The following MAGOH variants were observed in gnomAD, a reference collection of about 807,000 sequenced individuals.
MAGOH encodes mago homolog, exon junction complex subunit, also known as protein mago nashi homolog.
Under a neutral mutation model 20.9 loss-of-function variants are expected in MAGOH, and 3 were observed. The observed-to-expected ratio is 0.14, with a 90% CI of 0.07 to 0.37. MAGOH has a LOEUF of 0.37. Among genes scored for constraint, MAGOH ranks in the 10% least tolerant of loss-of-function variants. The pLI is 1.00. For missense variants in MAGOH, 66 were observed against 178.1 expected (o/e 0.37, Z 3.58); for synonymous variants, 51 against 61.0 (o/e 0.84, Z 0.76).
intron 3 of MAGOH, among the ~76,000 whole-genome samples, chr1:53,232,663 G>C (rs1399572036): frequency 6.6e-6 from 1 of 152,178 alleles, no homozygotes; most frequent in Non-Finnish European, 1.5e-5. Context: ...GTATGTCTGA[G>C]GAACAGAAAT....
At chr1:53,233,418 C>A in intron 3 of MAGOH, 124 bp downstream of exon 3, 1 of 636,534 alleles carries the variant, frequency 1.6e-6, no homozygotes, top group South Asian at 2.1e-5. Flanking sequence ...CTTTGTATCT[C>A]CACAATGCTT....
chr1:53,229,383 G>A (rs571232182), intron 3 of MAGOH, among the ~76,000 whole-genome samples: 2 of 152,088 alleles, frequency 1.3e-5, no homozygotes, highest in Admixed American at 6.5e-5. Context: ...TGTATTTTTA[G>A]TAGAGACGGG....
At chr1:53,231,694 T>C (rs930874257) in intron 3 of MAGOH, among the ~76,000 whole-genome samples, 1 of 152,210 alleles carries the variant, frequency 6.6e-6, no homozygotes, top group African/African-American at 2.4e-5. Context: ...GGCAATATCA[T>C]ACTACAAATG....
chr1:53,229,197 G>GTT (rs779983646), intron 3 of MAGOH, among the ~76,000 whole-genome samples: 17 of 141,400 alleles, frequency 1.2e-4, no homozygotes, highest in South Asian at 2.3e-4. Context: ...ATCTATGTAG[G>GTT]TTTTTTTTTT....
In MAGOH at chr1:53,227,208, G is replaced by A. The variant is rs1645564815; in HGVS notation, c.342-64C>T. ...TTGACCCATCAAGTGTCCCTAAAAAGGAAAAGACTATATATTAAAACGGTA... is the reference window on the plus strand; with the variant it reads ...TTGACCCATCAAGTGTCCCTAAAAAAGAAAAGACTATATATTAAAACGGTA... On this transcript the variant is annotated intron_variant, in intron 4 of 4. Coordinates refer to ENST00000371470, the MANE Select transcript of MAGOH (RefSeq NM_002370.4). The A allele has an allele frequency of 3.7e-6, 3 of 810,446 alleles. No homozygotes were observed. The South Asian group carries it at 5.5e-5, about 15-fold the overall frequency. 50.2% of individuals were successfully genotyped at this position (810,446 alleles called of 1,614,324 possible). A position where few individuals can be genotyped will look rare whatever the true frequency, so the allele number is the denominator to read the frequency against.
chr1:53,227,940 C>G (rs949914696), intron 4 of MAGOH, among the ~76,000 whole-genome samples: 1 of 152,130 alleles, frequency 6.6e-6, no homozygotes, highest in Non-Finnish European at 1.5e-5. Context: ...CAAAGGAAGA[C>G]AATTACGCCC....
intron 4 of MAGOH, among the ~76,000 whole-genome samples, 187 bp downstream of exon 4, chr1:53,228,685 A>G (rs865825764): frequency 2.0e-5 from 3 of 152,292 alleles, no homozygotes; most frequent in South Asian, 2.1e-4. Flanking sequence ...TGAATGAAAC[A>G]CCAAAAGTAA....
chr1:53,231,813 T>G (rs1400085827), intron 3 of MAGOH, among the ~76,000 whole-genome samples: 1 of 152,230 alleles, frequency 6.6e-6, no homozygotes, highest in Admixed American at 6.5e-5. Context: ...AAAATCCTAC[T>G]GCGATTTTTA....
chr1:53,232,403 T>C (rs1401247614), intron 3 of MAGOH, among the ~76,000 whole-genome samples: 2 of 151,874 alleles, frequency 1.3e-5, no homozygotes, highest in African/African-American at 2.4e-5. Context: ...CAATAGCAAG[T>C]GCTACAAAGA....
intron 3 of MAGOH, among the ~76,000 whole-genome samples, chr1:53,232,478 A>T (rs1645590861): frequency 6.6e-6 from 1 of 152,222 alleles, no homozygotes; most frequent in Non-Finnish European, 1.5e-5. Flanking sequence ...AACACAACAG[A>T]TCTTTTTCTT....
Position 53,237,673 on chromosome 1 carries a change from C to CAAAAAAAAAAAAAAAAAAA in MAGOH, c.88+669_88+687dup, listed in dbSNP as rs1231950502. Among the ~76,000 whole-genome samples the CAAAAAAAAAAAAAAAAAAA allele has an allele frequency of 1.6e-3, 88 of 55,324 alleles. 5 individuals carry two copies. Among genetic ancestry groups the CAAAAAAAAAAAAAAAAAAA allele is most frequent in the East Asian group, 6.8e-3 (10 of 1,470 alleles). The allele number at this position is 55,324 out of a possible 152,430, so 36.3% of individuals were successfully genotyped here. Reference sequence around the variant, plus strand: ...TGGGCAAAAAGAGCGAAAGCCGTCTCAAAAAAAAAAAAAAAAAAAAGGCCT... The same window carrying CAAAAAAAAAAAAAAAAAAA: ...TGGGCAAAAAGAGCGAAAGCCGTCTCAAAAAAAAAAAAAAAAAAAAAAAAAAAAAAAAAAAAAAAGGCCT... On this transcript the variant is annotated intron_variant, in intron 1 of 4. Transcript: ENST00000371470.
intron 2 of MAGOH, 183 bp from the exon 3 acceptor site, chr1:53,233,835 T>C: frequency 1.9e-6 from 1 of 538,458 alleles, no homozygotes; most frequent in South Asian, 2.1e-5. Flanking sequence ...AAGTATCCAG[T>C]AACTGCACCT....
rs74853279 is a variant in MAGOH, at chr1:53,227,997, G to A, written c.342-853C>T. Among the ~76,000 whole-genome samples, 1,223 of 151,974 alleles carry A rather than the reference G, an allele frequency of 8.0e-3. 14 individuals carry two copies. The highest frequency in any genetic ancestry group is 0.028 in the African/African-American group (1,142 of 41,478). On this transcript the variant is annotated intron_variant, in intron 4 of 4. Coordinates refer to ENST00000371470, the MANE Select transcript of MAGOH (RefSeq NM_002370.4). Reference sequence around the variant, plus strand: ...GTACCTAATCCTGAACCCTCAAAACGTAAGAGCCAAAGAAGTTGCCAAATT... The same window carrying A: ...GTACCTAATCCTGAACCCTCAAAACATAAGAGCCAAAGAAGTTGCCAAATT...
At chr1:53,234,212 A>C (rs1239791288) in intron 2 of MAGOH, among the ~76,000 whole-genome samples, 1 of 152,112 alleles carries the variant, frequency 6.6e-6, no homozygotes, top group Admixed American at 6.5e-5. Flanking sequence ...GGAAGCAGAG[A>C]CTGGGCCCTC....
chr1:53,228,609 C>G (rs1357784185), intron 4 of MAGOH, among the ~76,000 whole-genome samples: 1 of 152,044 alleles, frequency 6.6e-6, no homozygotes, highest in Admixed American at 6.5e-5. Flanking sequence ...TCCATTTTTT[C>G]TTCTGGCTGC....
chr1:53,234,362 C>T (rs1645601276), intron 2 of MAGOH, among the ~76,000 whole-genome samples: 1 of 150,558 alleles, frequency 6.6e-6, no homozygotes, highest in Admixed American at 6.7e-5. Context: ...CACCCACATG[C>T]CCTGGTTATT....
In MAGOH at chr1:53,228,959, A is replaced by G. The variant is rs936283699; in HGVS notation, c.259-5T>C. 1.9e-6 allele frequency: 3 copies of G among 1,602,474 alleles called. No individual in the cohort carries two copies. The African/African-American group carries it at 4.0e-5, about 21-fold the overall frequency. ...TCCAATGACGATTTCAAGCTCCTAG[A>G]AACATTTTAGAAAATCGAAGTCAAG... is the stretch of plus-strand genomic sequence containing the variant. On this transcript the variant is annotated splice_region_variant and splice_polypyrimidine_tract_variant and intron_variant, in intron 3 of 4. Transcript: ENST00000371470.
intron 1 of MAGOH, among the ~76,000 whole-genome samples, chr1:53,237,734 C>T (rs558597111): frequency 3.2e-4 from 48 of 148,866 alleles, no homozygotes; most frequent in Non-Finnish European, 6.4e-4. Flanking sequence ...TCTATAAAGA[C>T]CTAAGAGGTG....
chr1:53,233,541 C>A lies in MAGOH; in HGVS notation c.258+1G>T, dbSNP rs1190701453. The A allele has an allele frequency of 6.2e-7, 1 of 1,610,998 alleles. No homozygotes were observed. On this transcript the variant is annotated splice_donor_variant, in intron 3 of 4. Coordinates refer to ENST00000371470, the MANE Select transcript of MAGOH (RefSeq NM_002370.4). LOFTEE classifies it high-confidence loss of function. ...ACTACAGGATAATCAATAAAACACA[C>A]CTGCCGGCCCACTCGGTCAGGAGGA...
Sources: gnomAD v4.1 joint callset for allele counts (sites outside exome capture counted in the v4.1 genomes callset) on GRCh38, gnomAD v4.1.1 for gene constraint, MANE v1.5 for transcripts, NCBI Gene and HGNC (gene_info 2026-07-23, HGNC 2026-07-21) for gene names.